MYBBP1A: variants seen among roughly 807,000 people sequenced by gnomAD.
MYBBP1A encodes the protein MYB binding protein 1a, also known as myb-binding protein 1A.
A neutral mutation model predicts 136.3 loss-of-function variants in MYBBP1A; 147 were observed. The ratio of observed to expected loss-of-function variants is 1.08; its 90% CI spans 0.94 to 1.24. The LOEUF (loss-of-function observed/expected upper bound fraction) is 1.24, where lower values mean the gene tolerates loss of function less well. Among genes scored for constraint, MYBBP1A ranks in the 50% most tolerant of loss-of-function variants. MYBBP1A has a pLI of 0.00. For synonymous variants in MYBBP1A, 947 were observed against 735.8 expected, an observed-to-expected ratio of 1.29 and a Z score of -4.65; for missense variants, 2,060 against 1,727.4, an observed-to-expected ratio of 1.19 and a Z score of -3.41.
At position 4,552,853 on chromosome 17, in the gene MYBBP1A, A is replaced by T. The variant is rs1379443048; in HGVS notation, c.562-227T>A. On this transcript the variant is annotated intron_variant, in intron 5 of 25. Transcript: ENST00000254718. The surrounding 1 kb of genome is among the most constrained non-coding windows in gnomAD (Gnocchi z 4.7). ...CCCCCACCCCTTATTTTTTTTTTTT[A>T]AGACAGAGTCTCACTTTGCCACCCA... Among the ~76,000 whole-genome samples the T allele has an allele frequency of 3.4e-5, 5 of 145,212 alleles. No individual in the cohort carries two copies. Among genetic ancestry groups the T allele is most frequent in the African/African-American group, 5.3e-5 (2 of 37,924 alleles).
At position 4,539,343 on chromosome 17, in the gene MYBBP1A, T is replaced by TC; in HGVS notation, c.*71_*72insG. On this transcript the variant is annotated 3_prime_UTR_variant, in exon 26 of 26. Coordinates refer to ENST00000254718, the MANE Select transcript of MYBBP1A (RefSeq NM_014520.4). Reference sequence around the variant, plus strand: ...ACAGCTTGCGTATTAAAATCATGGTTTAAAAAAAAAAAAAAAAAATAGGCG... The same window carrying TC: ...ACAGCTTGCGTATTAAAATCATGGTTCTAAAAAAAAAAAAAAAAAATAGGCG... 2 of 1,482,154 alleles carry TC rather than the reference T, an allele frequency of 1.3e-6. No individual in the cohort carries two copies. Among genetic ancestry groups the TC allele is most frequent in the Non-Finnish European group, 1.8e-6 (2 of 1,125,498 alleles). 91.8% of individuals were successfully genotyped at this position (1,482,154 alleles called of 1,614,324 possible).
rs1432720614 is a variant in MYBBP1A at position 4,547,978 on chromosome 17, C to T, written c.1804G>A (p.Val602Met). The T allele has an allele frequency of 1.6e-5, 24 of 1,520,054 alleles. No individual in the cohort carries two copies. Among genetic ancestry groups the T allele is most frequent in the Middle Eastern group, 1.9e-4 (1 of 5,246 alleles). The allele number at this position is 1,520,054 out of a possible 1,614,324, so 94.2% of individuals were successfully genotyped here. A position where few individuals can be genotyped will look rare whatever the true frequency, so the allele number is the denominator to read the frequency against. Reference protein sequence around the residue: ...AAAFQHLLLLVGIHLLKSPAE... With the variant: ...AAAFQHLLLLMGIHLLKSPAE... Reference sequence around the variant, plus strand: ...AGTACCTTGAGGAGGTGGATGCCCACGAGGAGCAGAAGGTGCTGGAAGGCA... The same window carrying T: ...AGTACCTTGAGGAGGTGGATGCCCATGAGGAGCAGAAGGTGCTGGAAGGCA... The change falls in exon 13 of 26, where the codon GTG becomes ATG. Residue 602 changes from valine (V) to methionine (M), a missense_variant. Val to Met is a conservative substitution (Grantham distance 21). Coordinates refer to ENST00000254718, the MANE Select transcript of MYBBP1A (RefSeq NM_014520.4).
In MYBBP1A at chr17:4,545,092, G is replaced by C; in HGVS notation, c.2244C>G (p.Arg748=). Residue 748 remains arginine, a synonymous_variant, in exon 17 of 26, where the codon CGC becomes CGG. Transcript: ENST00000254718. ...SEGEESEEEE[R]DGDVDQGFRE... ...GGAAGCCCTGATCCACGTCCCCGTC[G>C]CGCTCCTCCTCCTCGCTCTCCTCCC... is the stretch of plus-strand genomic sequence containing the variant. 6.3e-7 allele frequency: 1 copy of C among 1,590,580 alleles called. No individual in the cohort carries two copies. Among genetic ancestry groups the C allele is most frequent in the Non-Finnish European group, 8.5e-7 (1 of 1,170,102 alleles).
Position 4,548,285 on chromosome 17 carries a change from A to C in MYBBP1A, c.1582T>G (p.Phe528Val), listed in dbSNP as rs777840311. Residue 528 changes from phenylalanine to valine, a missense_variant, in exon 12 of 26, where the codon TTC becomes GTC. Physicochemically the swap from Phe to Val is conservative, Grantham distance 50 (BLOSUM62 -1). Coordinates refer to ENST00000254718, the MANE Select transcript of MYBBP1A (RefSeq NM_014520.4). The surrounding 1 kb of genome is among the most constrained non-coding windows in gnomAD (Gnocchi z 4.2). ...TGGGTCTGGCCCGGTGCCTGCTTGA[A>C]CTGCGTGCTGAGGGTCTGCAACAGA... ...FSLLQTLSTQ[F>V]KQAPGQTQGG... The C allele has an allele frequency of 6.2e-7, 1 of 1,612,348 alleles. No individual in the cohort carries two copies. The highest frequency in any genetic ancestry group is 8.5e-7 in the Non-Finnish European group (1 of 1,179,916).
At position 4,554,080 on chromosome 17, in the gene MYBBP1A, G is replaced by A. The variant is rs1381389243; in HGVS notation, c.392C>T (p.Pro131Leu). ...LHQVKKAMLR[P>L]ALFANLFGVL... ...TCCAAACAGGTTTGCAAAGAGAGCA[G>A]GTCTCAGCATTGCCTAGAAAAGGAT... The change falls in exon 4 of 26, where the codon CCT becomes CTT. Residue 131 changes from proline (P) to leucine (L), a missense_variant. By Grantham distance (98) the Pro-to-Leu change is moderately conservative. Coordinates refer to ENST00000254718, the MANE Select transcript of MYBBP1A (RefSeq NM_014520.4). 8.1e-6 allele frequency: 13 copies of A among 1,613,916 alleles called. No individual in the cohort carries two copies. Among genetic ancestry groups the A allele is most frequent in the Non-Finnish European group, 4.2e-6 (5 of 1,180,046 alleles).
At chr17:4,543,439 C>G in intron 19 of MYBBP1A, 1 of 522,244 alleles carries the variant, frequency 1.9e-6, no homozygotes, top group Admixed American at 3.3e-5. Flanking sequence ...GCCTGGGGCA[C>G]CCCTCCTGTC....
Position 4,544,638 on chromosome 17 carries a change from GTCCAGC to G in MYBBP1A, c.2484_2489del (p.Asp830_Leu831del). The G allele has an allele frequency of 6.3e-7, 1 of 1,585,134 alleles. No homozygotes were observed. The highest frequency in any genetic ancestry group is 1.1e-5 in the South Asian group (1 of 87,608). The stretch of plus-strand genomic sequence containing the variant: ...GCTTGGTCACTAGCACCTCCACCAG[GTCCAGC>G]ACCTGCAGCCAGGAGGGCAGGTCAG... On this transcript the variant is annotated inframe_deletion and splice_region_variant, in exon 19 of 26. Coordinates refer to ENST00000254718, the MANE Select transcript of MYBBP1A (RefSeq NM_014520.4).
In MYBBP1A at chr17:4,550,006, G is replaced by A. The variant is rs150385413; in HGVS notation, c.1319+52C>T. The A allele has an allele frequency of 2.5e-4, 383 of 1,556,544 alleles. 1 individual carries two copies. The African/African-American group carries it at 4.3e-3, about 17-fold the overall frequency. On this transcript the variant is annotated intron_variant, in intron 9 of 25. Transcript: ENST00000254718. Reference sequence around the variant, plus strand: ...CGGGCTTGGGTCGCGGGGCTCTGCAGGCCTAGGAAGTTAACTCCTAAATTA... The same window carrying A: ...CGGGCTTGGGTCGCGGGGCTCTGCAAGCCTAGGAAGTTAACTCCTAAATTA...
At chr17:4,555,042 G>A (rs533462117) in intron 1 of MYBBP1A, 85 bp downstream of exon 1, 13 of 1,585,030 alleles carry the variant, frequency 8.2e-6, no homozygotes, top group South Asian at 3.4e-5. Flanking sequence ...TCGCGACCAC[G>A]TGCCCCCAGT....
At chr17:4,544,994 C>CG in intron 17 of MYBBP1A, 32 bp downstream of exon 17, 4 of 1,425,334 alleles carry the variant, frequency 2.8e-6, no homozygotes, top group South Asian at 1.3e-5. Flanking sequence ...GAGCCCTCCC[C>CG]GGCCGCCCCC....
chr17:4,538,982 A>G lies in MYBBP1A; in HGVS notation c.*433T>C, dbSNP rs1401240301. The G allele has an allele frequency of 2.5e-5, 20 of 799,554 alleles. No homozygotes were observed. In the African/African-American group the frequency reaches 3.4e-4, roughly 13 times the overall value. The allele number at this position is 799,554 out of a possible 1,614,324, so 49.5% of individuals were successfully genotyped here. A position where few individuals can be genotyped will look rare whatever the true frequency, so the allele number is the denominator to read the frequency against. On this transcript the variant is annotated 3_prime_UTR_variant, in exon 26 of 26. Transcript: ENST00000254718. ...TGATTGTGAATCTCAGAGTCTTAAGAGAGAAGCCAAATATATTCCTCTTGT... is the reference window on the plus strand; with the variant it reads ...TGATTGTGAATCTCAGAGTCTTAAGGGAGAAGCCAAATATATTCCTCTTGT...
intron 24 of MYBBP1A, 127 bp downstream of exon 24, chr17:4,541,335 GC>G: frequency 2.5e-6 from 2 of 815,650 alleles, no homozygotes; most frequent in Non-Finnish European, 4.1e-6. Flanking sequence ...CCTGGCCCAG[GC>G]ACTGAGAAGT....
chr17:4,542,005 C>A, intron 22 of MYBBP1A, 114 bp from the exon 23 acceptor site: 1 of 740,396 alleles, frequency 1.4e-6, no homozygotes, highest in Admixed American at 2.4e-5. Flanking sequence ...GCGTGTGAGG[C>A]TGCCTGCTGC....
At position 4,539,117 on chromosome 17, in the gene MYBBP1A, C is replaced by G. The variant is rs973065663; in HGVS notation, c.*298G>C. Reference sequence around the variant, plus strand: ...GAGAGATGGTCACACCTGCCTGCAGCCAGCACATCAACCTGCACCAACCCA... The same window carrying G: ...GAGAGATGGTCACACCTGCCTGCAGGCAGCACATCAACCTGCACCAACCCA... On this transcript the variant is annotated 3_prime_UTR_variant, in exon 26 of 26. Coordinates refer to ENST00000254718, the MANE Select transcript of MYBBP1A (RefSeq NM_014520.4). The G allele has an allele frequency of 2.7e-5, 40 of 1,506,686 alleles. No individual in the cohort carries two copies. The highest frequency in any genetic ancestry group is 3.5e-5 in the Non-Finnish European group (39 of 1,126,702). 93.3% of individuals were successfully genotyped at this position (1,506,686 alleles called of 1,614,324 possible). A position where few individuals can be genotyped will look rare whatever the true frequency, so the allele number is the denominator to read the frequency against.
chr17:4,552,664 C>A lies in MYBBP1A; in HGVS notation c.562-38G>T, dbSNP rs373556256. 6.9e-6 allele frequency: 11 copies of A among 1,590,752 alleles called. No individual in the cohort carries two copies. Among genetic ancestry groups the A allele is most frequent in the East Asian group, 2.2e-5 (1 of 44,594 alleles). ...GGAGAAGAAATCGTGACTTCCTCTG[C>A]GGGGTGAGCCTGGTGGATCCTGTTC... is the stretch of plus-strand genomic sequence containing the variant. On this transcript the variant is annotated intron_variant, in intron 5 of 25. Coordinates refer to ENST00000254718, the MANE Select transcript of MYBBP1A (RefSeq NM_014520.4). The surrounding 1 kb of genome is among the most constrained non-coding windows in gnomAD (Gnocchi z 4.7).
chr17:4,545,284 T>C lies in MYBBP1A; in HGVS notation c.2135A>G (p.Asp712Gly). The change falls in exon 16 of 26, where the codon GAT (aspartate) becomes GGT (glycine). Residue 712 changes from aspartate (D) to glycine (G), a missense_variant. Coordinates refer to ENST00000254718, the MANE Select transcript of MYBBP1A (RefSeq NM_014520.4). ...CTCTGCACCCTTCAGCCGCCGCTCATCAGAATCGTCCGTCACCACCACACG... is the reference window on the plus strand; with the variant it reads ...CTCTGCACCCTTCAGCCGCCGCTCACCAGAATCGTCCGTCACCACCACACG... ...NDRVVVTDDS[D>G]ERRLKGAEDK... 6.2e-7 allele frequency: 1 copy of C among 1,610,626 alleles called. No homozygotes were observed. The highest frequency in any genetic ancestry group is 8.5e-7 in the Non-Finnish European group (1 of 1,179,120).
chr17:4,546,197 C>A (rs1448415648), intron 13 of MYBBP1A, among the ~76,000 whole-genome samples: 1 of 152,262 alleles, frequency 6.6e-6, no homozygotes, highest in Non-Finnish European at 1.5e-5. Context: ...CGGCTCACCA[C>A]AACTTCTGCC....
Position 4,541,784 on chromosome 17 carries a change from C to A in MYBBP1A, c.3195G>T (p.Glu1065Asp). The A allele has an allele frequency of 4.3e-6, 7 of 1,613,820 alleles. No homozygotes were observed. Among genetic ancestry groups the A allele is most frequent in the Non-Finnish European group, 5.1e-6 (6 of 1,179,806 alleles). The stretch of plus-strand genomic sequence containing the variant: ...GGAAAGGGCGCCCCCCGGCTGTTAC[C>A]TCGGTGACCTTTGCTAGGACCTGGC... ...LMGQVLAKVT[E>D]NLRVLGEAQT... The change falls in exon 23 of 26, where the codon GAG becomes GAT. Residue 1065 changes from glutamate (E) to aspartate (D), a missense_variant and splice_region_variant. Coordinates refer to ENST00000254718, the MANE Select transcript of MYBBP1A (RefSeq NM_014520.4).
chr17:4,552,092 AG>A lies in MYBBP1A; in HGVS notation c.905+32del. The A allele has an allele frequency of 1.2e-6, 2 of 1,605,136 alleles. No individual in the cohort carries two copies. Among genetic ancestry groups the A allele is most frequent in the Non-Finnish European group, 1.7e-6 (2 of 1,174,928 alleles). On this transcript the variant is annotated intron_variant, in intron 7 of 25. Coordinates refer to ENST00000254718, the MANE Select transcript of MYBBP1A (RefSeq NM_014520.4). The surrounding 1 kb of genome is among the most constrained non-coding windows in gnomAD (Gnocchi z 4.7). ...GCCTAGCCCACTTCACGGACAGGGA[AG>A]GGGGCCGAGAGAGGACACGCGTCGC...
Sources: gnomAD v4.1 joint callset for allele counts (sites outside exome capture counted in the v4.1 genomes callset) on GRCh38, gnomAD v4.1.1 for gene constraint, Gnocchi (gnomAD v3.1) non-coding constraint, MANE v1.5 for transcripts, NCBI Gene and HGNC (gene_info 2026-07-23, HGNC 2026-07-21) for gene names.